The following PI4KA variants were observed in gnomAD, a reference collection of about 807,000 sequenced individuals.
PI4KA encodes the protein phosphatidylinositol 4-kinase alpha.
Under a neutral mutation model 271.4 loss-of-function variants are expected in PI4KA, and 122 were observed. The ratio of observed to expected loss-of-function variants is 0.45; its 90% CI spans 0.39 to 0.52. The LOEUF is 0.52. PI4KA is among the 20% of genes least tolerant of loss of function. PI4KA has a pLI of 0.00. For synonymous variants in PI4KA, 1,041 were observed against 1,078.8 expected (o/e 0.96, Z 0.69); for missense variants, 1,969 against 2,769.1 (o/e 0.71, Z 6.48).
chr22:20,804,503 CA>C, intron 11 of PI4KA, 103 bp from the exon 12 acceptor site: 1 of 808,222 alleles, frequency 1.2e-6, no homozygotes. Context: ...ACCCCAGAGA[CA>C]TACTTTAGGC....
intron 4 of PI4KA, among the ~76,000 whole-genome samples, chr22:20,823,756 T>A (rs568432408): frequency 6.6e-6 from 1 of 152,232 alleles, no homozygotes; most frequent in South Asian, 2.1e-4. Context: ...CTGGGCAACA[T>A]GGCGAAACCT....
At chr22:20,837,769 A>G (rs778436977) in intron 2 of PI4KA, among the ~76,000 whole-genome samples, 1 of 152,262 alleles carries the variant, frequency 6.6e-6, no homozygotes, top group East Asian at 1.9e-4. Context: ...CAGTCACACT[A>G]TTTTTTTGTT....
intron 1 of PI4KA, among the ~76,000 whole-genome samples, chr22:20,840,758 G>C (rs1269682463): frequency 6.6e-6 from 1 of 151,992 alleles, no homozygotes; most frequent in Non-Finnish European, 1.5e-5. Flanking sequence ...GCTCATGCCT[G>C]TAATCCCAGC....
chr22:20,783,758 A>T (rs2147503901), intron 19 of PI4KA, among the ~76,000 whole-genome samples: 1 of 152,336 alleles, frequency 6.6e-6, no homozygotes, highest in Non-Finnish European at 1.5e-5. Context: ...ACCCTACTCC[A>T]GAAACTATTC....
intron 7 of PI4KA, among the ~76,000 whole-genome samples, chr22:20,814,273 A>G (rs776245585): frequency 1.3e-5 from 2 of 152,232 alleles, no homozygotes; most frequent in African/African-American, 2.4e-5. Flanking sequence ...GATCCCACTT[A>G]TTAGAGGAAC....
intron 36 of PI4KA, among the ~76,000 whole-genome samples, chr22:20,731,478 C>T (rs544532696): frequency 6.6e-6 from 1 of 151,892 alleles, no homozygotes; most frequent in Non-Finnish European, 1.5e-5. Flanking sequence ...AATCCCAGCA[C>T]TTTAGGAGGC....
intron 10 of PI4KA, among the ~76,000 whole-genome samples, chr22:20,805,589 T>C (rs962715463): frequency 1.3e-5 from 2 of 151,958 alleles, no homozygotes; most frequent in African/African-American, 4.8e-5. Flanking sequence ...TCTCAGCAAC[T>C]TGGGAGGCCG....
intron 18 of PI4KA, among the ~76,000 whole-genome samples, chr22:20,795,415 TAA>T (rs1177241945): frequency 6.6e-6 from 1 of 151,392 alleles, no homozygotes; most frequent in Non-Finnish European, 1.5e-5. Context: ...CCCCAGCCAA[TAA>T]AAAAAATACA....
chr22:20,820,653 A>C (rs1922539423), intron 4 of PI4KA, 42 bp from the exon 5 acceptor site: 2 of 1,355,216 alleles, frequency 1.5e-6, no homozygotes, highest in East Asian at 2.3e-5. Flanking sequence ...ACATAAACAA[A>C]ATTAGGTAAA....
At chr22:20,773,991 T>C (rs909827656) in intron 19 of PI4KA, 17 of 152,216 alleles carry the variant, frequency 1.1e-4, no homozygotes, top group African/African-American at 4.1e-4. Context: ...CTGAGGGGGT[T>C]TGTGCTGACC....
At chr22:20,724,299 CTG>C (rs1927092690) in intron 42 of PI4KA, among the ~76,000 whole-genome samples, 1 of 147,686 alleles carries the variant, frequency 6.8e-6, no homozygotes, top group Non-Finnish European at 1.5e-5. Flanking sequence ...GAGCGAAACT[CTG>C]TCTAAAAAAA....
At chr22:20,789,044 G>T (rs1232928823) in intron 19 of PI4KA, among the ~76,000 whole-genome samples, 1 of 152,126 alleles carries the variant, frequency 6.6e-6, no homozygotes, top group African/African-American at 2.4e-5. Context: ...AATGCCTTTT[G>T]TTCATGTACA....
intron 19 of PI4KA, among the ~76,000 whole-genome samples, chr22:20,767,776 G>A (rs1020152615): frequency 2.2e-4 from 34 of 151,756 alleles, no homozygotes; most frequent in South Asian, 1.2e-3. Context: ...CTGGGACTAC[G>A]GGCATGCACC....
chr22:20,767,826 G>A (rs1020771032), intron 19 of PI4KA, among the ~76,000 whole-genome samples: 28 of 151,886 alleles, frequency 1.8e-4, no homozygotes, highest in Non-Finnish European at 3.1e-4. Flanking sequence ...GTAGAGATGC[G>A]GTTTCACCAT....
rs1480362999 is a variant in PI4KA at position 20,829,955 on chromosome 22, T to C, written c.367+4607A>G. Among the ~76,000 whole-genome samples the C allele has an allele frequency of 2.6e-5, 4 of 152,206 alleles. No individual in the cohort carries two copies. The East Asian group carries it at 5.8e-4, about 22-fold the overall frequency. On this transcript the variant is annotated intron_variant, in intron 3 of 54. Transcript: ENST00000255882. ...GTTATTTAATTTTCATGTAATTATA[T>C]GCTTTCAGTGATTTTCTTAGTATTT...
At chr22:20,799,633 C>T (rs1250203272) in intron 15 of PI4KA, 38 bp downstream of exon 15, 11 of 1,438,416 alleles carry the variant, frequency 7.6e-6, no homozygotes, top group Non-Finnish European at 1.1e-5. Flanking sequence ...CTGCTGAGAA[C>T]AATGGGCTGC....
rs1317867609 is a variant in PI4KA at position 20,798,246 on chromosome 22, G to C, written c.2108+338C>G. 2.0e-5 allele frequency among the ~76,000 whole-genome samples: 3 copies of C among 152,244 alleles called. No homozygotes were observed. In the East Asian group the frequency reaches 5.8e-4, roughly 29 times the overall value. On this transcript the variant is annotated intron_variant, in intron 17 of 54. Coordinates refer to ENST00000255882, the MANE Select transcript of PI4KA (RefSeq NM_058004.4). Reference sequence around the variant, plus strand: ...TGGTTAAATCTTGGTTCTACTATAGGATAGGACGCTCCACAACCTCTAAAG... The same window carrying C: ...TGGTTAAATCTTGGTTCTACTATAGCATAGGACGCTCCACAACCTCTAAAG...
rs2876845 is a variant in PI4KA at position 20,737,079 on chromosome 22, T to C, written c.3742-2526A>G. ...CTGCTAATCAGTTCACCATGCAGGC[T>C]GTGGGCCAAGCCACTGAAGGGATGC... On this transcript the variant is annotated intron_variant, in intron 32 of 54. Coordinates refer to ENST00000255882, the MANE Select transcript of PI4KA (RefSeq NM_058004.4). Among the ~76,000 whole-genome samples, 891 of 152,324 alleles carry C rather than the reference T, an allele frequency of 5.8e-3. 8 individuals carry two copies. Among genetic ancestry groups the C allele is most frequent in the East Asian group, 0.055 (283 of 5,184 alleles).
At chr22:20,824,770 AC>A (rs1569076102) in intron 3 of PI4KA, among the ~76,000 whole-genome samples, 287 of 148,056 alleles carry the variant, frequency 1.9e-3, no homozygotes, top group African/African-American at 7.0e-3. Context: ...ACACACACAC[AC>A]ACACACACAA....
Sources: gnomAD v4.1 joint callset for allele counts (sites outside exome capture counted in the v4.1 genomes callset) on GRCh38, gnomAD v4.1.1 for gene constraint, MANE v1.5 for transcripts, NCBI Gene and HGNC (gene_info 2026-07-23, HGNC 2026-07-21) for gene names.